Variants in SRRM2 observed in about 807,000 individuals in gnomAD.
SRRM2 encodes the protein serine/arginine repetitive matrix protein 2.
SRRM2 carries 30 observed loss-of-function variants against 213.8 expected under a neutral mutation model. The ratio of observed to expected loss-of-function variants is 0.14; its 90% CI spans 0.10 to 0.19. The LOEUF is 0.19. Ranked by LOEUF, SRRM2 falls within the 10% of genes least tolerant of loss-of-function variation. The pLI is 1.00. For missense variants in SRRM2, 4,904 were observed against 3,647.0 expected, an observed-to-expected ratio of 1.34 and a Z score of -8.88; for synonymous variants, 2,025 against 1,377.7, an observed-to-expected ratio of 1.47 and a Z score of -10.40.
intron 2 of SRRM2, 67 bp downstream of exon 2, chr16:2,756,673 T>C (rs1169938347): frequency 1.3e-6 from 2 of 1,541,372 alleles, no homozygotes; most frequent in Non-Finnish European, 1.7e-6. Flanking sequence ...AGGTGGGATG[T>C]ATAGGGAGCT....
In SRRM2 at chr16:2,757,529, G is replaced by A. The variant is rs1398105255; in HGVS notation, c.300G>A (p.Glu100=). ...CGACCTTTCGACTCATGTTGCTGGA[G>A]AAGGATGTGAACCCTGGGGGCAAGG... ...KVATFRLMLL[E]KDVNPGGKEE... is the part of the protein sequence containing the mutation. Residue 100 remains glutamate (E), a synonymous_variant, in exon 3 of 15, where the codon GAG becomes GAA. Coordinates refer to ENST00000301740, the MANE Select transcript of SRRM2 (RefSeq NM_016333.4). 2 of 1,613,976 alleles carry A rather than the reference G, an allele frequency of 1.2e-6. No individual in the cohort carries two copies. The highest frequency in any genetic ancestry group is 1.7e-5 in the Admixed American group (1 of 59,994).
Position 2,762,108 on chromosome 16 carries a change from G to T in SRRM2, c.1580G>T (p.Ser527Ile). Residue 527 changes from serine to isoleucine, a missense_variant, in exon 11 of 15, where the codon AGC becomes ATC. Transcript: ENST00000301740. ...RSAQRWGRSRSPQRRGRSRSP... is the reference protein window; with the variant it reads ...RSAQRWGRSRIPQRRGRSRSP... The stretch of plus-strand genomic sequence containing the variant: ...GCACAGAGGTGGGGAAGATCTAGAA[G>T]CCCCCAGCGACGTGGCCGCTCTAGG... The T allele has an allele frequency of 6.2e-7, 1 of 1,614,178 alleles. No homozygotes were observed. The highest frequency in any genetic ancestry group is 8.5e-7 in the Non-Finnish European group (1 of 1,180,020).
chr16:2,760,463 C>T lies in SRRM2; in HGVS notation c.996C>T (p.Ser332=), dbSNP rs141052535. ...CGGAGACTGCTACGAAACAGCCTAG[C>T]AGCCCTTATGAAGACAAAGATAAAG... ...SSPETATKQP[S]SPYEDKDKDK... The change falls in exon 10 of 15, where the codon AGC becomes AGT. Residue 332 remains serine (S), a synonymous_variant. Transcript: ENST00000301740. The T allele has an allele frequency of 6.2e-7, 1 of 1,614,052 alleles. No individual in the cohort carries two copies. Among genetic ancestry groups the T allele is most frequent in the African/African-American group, 1.3e-5 (1 of 74,904 alleles).
chr16:2,754,067 C>T (rs180842275), intron 1 of SRRM2, among the ~76,000 whole-genome samples: 3 of 152,130 alleles, frequency 2.0e-5, no homozygotes, highest in Non-Finnish European at 2.9e-5. Context: ...ACTTGGGTAA[C>T]TTTTGCATAT....
Position 2,762,324 on chromosome 16 carries a change from C to T in SRRM2, c.1796C>T (p.Pro599Leu), listed in dbSNP as rs369075183. Reference protein sequence around the residue: ...PARRRSRSRTPTRRRSRSRTP... With the variant: ...PARRRSRSRTLTRRRSRSRTP... ...AGGCGGAGATCACGATCCAGAACTC[C>T]CACCAGGCGTAGGTCTCGGTCTAGA... Residue 599 changes from proline (P) to leucine (L), a missense_variant, in exon 11 of 15, where the codon CCC becomes CTC. Coordinates refer to ENST00000301740, the MANE Select transcript of SRRM2 (RefSeq NM_016333.4). 62 of 1,614,072 alleles carry T rather than the reference C, an allele frequency of 3.8e-5. No individual in the cohort carries two copies. Among genetic ancestry groups the T allele is most frequent in the Middle Eastern group, 1.6e-4 (1 of 6,084 alleles).
Position 2,770,935 on chromosome 16 carries a change from C to A in SRRM2, c.*68C>A. ...ACAAGGAGTGTCCCTTCTTCCCCAG[C>A]AGAGCCGTGGGAGGGTCCTTGTCTG... On this transcript the variant is annotated 3_prime_UTR_variant, in exon 15 of 15. Transcript: ENST00000301740. The A allele has an allele frequency of 6.2e-7, 1 of 1,602,116 alleles. No individual in the cohort carries two copies. The highest frequency in any genetic ancestry group is 8.5e-7 in the Non-Finnish European group (1 of 1,171,912).
Position 2,766,336 on chromosome 16 carries a change from G to T in SRRM2, c.5808G>T (p.Arg1936Ser). The change falls in exon 11 of 15, where the codon AGG (arginine) becomes AGT (serine). Residue 1936 changes from arginine (R) to serine (S), a missense_variant. Arg to Ser is a moderately radical substitution (Grantham distance 110). Coordinates refer to ENST00000301740, the MANE Select transcript of SRRM2 (RefSeq NM_016333.4). This position sits in a 1 kb window ranked among gnomAD's most constrained non-coding sequence, Gnocchi z 7.0. The part of the protein sequence containing the change: ...RTPPVTRRRS[R>S]SRTPTTRRRS... ...CACCAGTAACCCGCCGTCGTTCAAG[G>T]TCTAGAACGCCAACAACACGCCGCC... 5 of 1,614,110 alleles carry T rather than the reference G, an allele frequency of 3.1e-6. No individual in the cohort carries two copies. Among genetic ancestry groups the T allele is most frequent in the Non-Finnish European group, 4.2e-6 (5 of 1,179,986 alleles).
intron 11 of SRRM2, 196 bp downstream of exon 11, chr16:2,768,457 C>A: frequency 1.5e-6 from 1 of 674,788 alleles, no homozygotes; most frequent in Non-Finnish European, 2.6e-6. Flanking sequence ...TAAAAGTCTC[C>A]GAAGGTTCAT....
chr16:2,762,427 C>T lies in SRRM2; in HGVS notation c.1899C>T (p.Arg633=), dbSNP rs2068386513. 1 of 1,613,990 alleles carries T rather than the reference C, an allele frequency of 6.2e-7. No individual in the cohort carries two copies. Among genetic ancestry groups the T allele is most frequent in the Non-Finnish European group, 8.5e-7 (1 of 1,179,992 alleles). ...CTAGGACCCGATCACCAGTACGACG[C>T]AGGTCTCGTAGTAGATCACCAGCCA... ...RRSRTRSPVR[R]RSRSRSPARR... is the part of the protein sequence containing the mutation. The change falls in exon 11 of 15, where the codon CGC becomes CGT. Residue 633 remains arginine, a synonymous_variant. Coordinates refer to ENST00000301740, the MANE Select transcript of SRRM2 (RefSeq NM_016333.4).
intron 1 of SRRM2, among the ~76,000 whole-genome samples, chr16:2,754,082 T>C (rs138857268): frequency 6.6e-6 from 1 of 152,344 alleles, no homozygotes; most frequent in African/African-American, 2.4e-5. Flanking sequence ...GCATATCCAC[T>C]GTCTATGGCC....
Position 2,770,891 on chromosome 16 carries a change from C to T in SRRM2, c.*24C>T, listed in dbSNP as rs191241080. On this transcript the variant is annotated 3_prime_UTR_variant, in exon 15 of 15. Coordinates refer to ENST00000301740, the MANE Select transcript of SRRM2 (RefSeq NM_016333.4). The stretch of plus-strand genomic sequence containing the variant: ...AAATTGTCTTTGGGGGATTCCACCA[C>T]ACCCAATGCTCTGGAGCCACAAGGA... 395 of 1,613,664 alleles carry T rather than the reference C, an allele frequency of 2.4e-4. 1 individual carries two copies. In the Middle Eastern group the frequency reaches 5.0e-3, roughly 20 times the overall value.
At chr16:2,758,186 C>T (rs528479685) in intron 4 of SRRM2, among the ~76,000 whole-genome samples, 3 of 152,036 alleles carry the variant, frequency 2.0e-5, no homozygotes, top group East Asian at 3.9e-4. Context: ...CCAGCCTGGG[C>T]GATGTAGTGA....
rs755080591 is a variant in SRRM2, at chr16:2,771,293, C to G, written c.*426C>G. 15 of 958,756 alleles carry G rather than the reference C, an allele frequency of 1.6e-5. No homozygotes were observed. Among genetic ancestry groups the G allele is most frequent in the Non-Finnish European group, 2.1e-5 (13 of 605,548 alleles). The allele number at this position is 958,756 out of a possible 1,614,324, so 59.4% of individuals were successfully genotyped here. ...TGGAATTAGTTGGTCCCTACTGTCCCCCATGAGGTTGTGAACCCCTCCCCC... is the reference window on the plus strand; with the variant it reads ...TGGAATTAGTTGGTCCCTACTGTCCGCCATGAGGTTGTGAACCCCTCCCCC... On this transcript the variant is annotated 3_prime_UTR_variant, in exon 15 of 15. Transcript: ENST00000301740.
At position 2,768,163 on chromosome 16, in the gene SRRM2, T is replaced by TTCA; in HGVS notation, c.7641_7643dup (p.Ser2556dup). On this transcript the variant is annotated inframe_insertion, in exon 11 of 15. Transcript: ENST00000301740. Reference sequence around the variant, plus strand: ...CGTCGTCCTCTAGCTCCTCCTCTTCTTCATCATCGTCGTCGTCGTCCTCCT... The same window carrying TTCA: ...CGTCGTCCTCTAGCTCCTCCTCTTCTTCATCATCATCGTCGTCGTCGTCCTCCT... The TTCA allele has an allele frequency of 2.5e-6, 4 of 1,612,720 alleles. No individual in the cohort carries two copies. Among genetic ancestry groups the TTCA allele is most frequent in the East Asian group, 2.2e-5 (1 of 44,872 alleles).
Position 2,766,358 on chromosome 16 carries a change from C to T in SRRM2, c.5830C>T (p.Arg1944Cys), listed in dbSNP as rs200196660. Residue 1944 changes from arginine to cysteine, a missense_variant, in exon 11 of 15, where the codon CGC becomes TGC. Coordinates refer to ENST00000301740, the MANE Select transcript of SRRM2 (RefSeq NM_016333.4). The surrounding 1 kb of genome is among the most constrained non-coding windows in gnomAD (Gnocchi z 7.0). ...RSRSRTPTTR[R>C]RSRSRTPPVT... ...AAGGTCTAGAACGCCAACAACACGC[C>T]GCCGCTCCCGTTCTAGAACTCCACC... The T allele has an allele frequency of 7.2e-5, 116 of 1,614,156 alleles. No individual in the cohort carries two copies. The highest frequency in any genetic ancestry group is 7.2e-4 in the Admixed American group (43 of 60,020).
chr16:2,753,048 C>T (rs1207676849), intron 1 of SRRM2, among the ~76,000 whole-genome samples: 2 of 149,048 alleles, frequency 1.3e-5, no homozygotes, highest in South Asian at 2.1e-4. Context: ...CCCCCCCCGC[C>T]CCTCCCCCAT....
In SRRM2 at chr16:2,756,271, T is replaced by C. The variant is rs1596260843; in HGVS notation, c.-31-63T>C. 9.3e-6 allele frequency: 13 copies of C among 1,394,464 alleles called. No individual in the cohort carries two copies. The East Asian group carries it at 1.0e-4, about 11-fold the overall frequency. The allele number at this position is 1,394,464 out of a possible 1,614,324, so 86.4% of individuals were successfully genotyped here. A position where few individuals can be genotyped will look rare whatever the true frequency, so the allele number is the denominator to read the frequency against. The stretch of plus-strand genomic sequence containing the variant: ...ATGAAGGAGAGCAGGGACTTGGGTG[T>C]GGGGCGGTAAGTGGTTAGTTTGGGG... On this transcript the variant is annotated intron_variant, in intron 1 of 14. Coordinates refer to ENST00000301740, the MANE Select transcript of SRRM2 (RefSeq NM_016333.4).
rs911450633 is a variant in SRRM2 at position 2,761,957 on chromosome 16, C to T, written c.1429C>T (p.Pro477Ser). ...ACGGGATAAATCACATTCTCATACC[C>T]CCTCCCGTAGGATGGGGAGGTCCCG... ...AKRDKSHSHT[P>S]SRRMGRSRSP... The change falls in exon 11 of 15, where the codon CCC (proline) becomes TCC (serine). Residue 477 changes from proline (P) to serine (S), a missense_variant. Coordinates refer to ENST00000301740, the MANE Select transcript of SRRM2 (RefSeq NM_016333.4). 2 of 1,614,102 alleles carry T rather than the reference C, an allele frequency of 1.2e-6. No individual in the cohort carries two copies. The highest frequency in any genetic ancestry group is 1.3e-5 in the African/African-American group (1 of 75,028).
intron 9 of SRRM2, 64 bp from the exon 10 acceptor site, chr16:2,760,237 G>A: frequency 6.6e-7 from 1 of 1,512,032 alleles, no homozygotes; most frequent in Admixed American, 1.9e-5. Flanking sequence ...TTGGGGAGGG[G>A]GTTTTCTGTT....
Sources: allele counts gnomAD v4.1 joint callset (sites outside exome capture counted in the v4.1 genomes callset), GRCh38; gene constraint gnomAD v4.1.1; non-coding constraint Gnocchi (gnomAD v3.1); transcripts MANE v1.5; gene names NCBI Gene and HGNC (gene_info 2026-07-23, HGNC 2026-07-21).